The following MCTP1 variants were observed in gnomAD, a reference collection of about 807,000 sequenced individuals.
MCTP1 encodes the protein multiple C2 and transmembrane domain containing 1, also known as multiple C2 and transmembrane domain-containing protein 1.
MCTP1 carries 69 observed loss-of-function variants against 120.6 expected under a neutral mutation model. That is an observed-to-expected ratio of 0.57 (90% CI 0.47 to 0.70). The LOEUF is 0.70. MCTP1 is among the 30% of genes least tolerant of loss of function. The pLI, the probability that MCTP1 is intolerant of heterozygous loss-of-function variation, is 0.00. For synonymous variants in MCTP1, 529 were observed against 493.1 expected, an observed-to-expected ratio of 1.07 and a Z score of -0.96; for missense variants, 1,203 against 1,248.8, an observed-to-expected ratio of 0.96 and a Z score of 0.55.
intron 1 of MCTP1, among the ~76,000 whole-genome samples, chr5:95,157,408 A>G (rs1023154397): frequency 1.4e-4 from 21 of 152,180 alleles, no homozygotes; most frequent in African/African-American, 4.8e-4. Context: ...ATTCACTTGC[A>G]CTGACCCTAG....
chr5:94,973,053 G>T (rs1391539465), intron 2 of MCTP1, among the ~76,000 whole-genome samples: 2 of 152,146 alleles, frequency 1.3e-5, no homozygotes, highest in African/African-American at 4.8e-5. Flanking sequence ...TGTGAGTTGG[G>T]TTAAACTAGC....
chr5:94,922,214 A>C (rs1456744599), intron 7 of MCTP1, among the ~76,000 whole-genome samples: 1 of 152,258 alleles, frequency 6.6e-6, no homozygotes, highest in African/African-American at 2.4e-5. Flanking sequence ...CTAGGATCAA[A>C]GAGTTCAAGA....
chr5:94,952,776 A>T (rs1463638852), intron 3 of MCTP1, among the ~76,000 whole-genome samples: 1 of 151,428 alleles, frequency 6.6e-6, no homozygotes, highest in Non-Finnish European at 1.5e-5. Flanking sequence ...AGAGATAGGA[A>T]TTTTTCTCCC....
intron 1 of MCTP1, among the ~76,000 whole-genome samples, chr5:95,173,442 A>G (rs1249405455): frequency 1.3e-5 from 2 of 152,206 alleles, no homozygotes; most frequent in African/African-American, 4.8e-5. Flanking sequence ...GCATCCTAGG[A>G]CTACAAGGAG....
intron 17 of MCTP1, among the ~76,000 whole-genome samples, chr5:94,819,660 T>A (rs1785225641): frequency 6.6e-6 from 1 of 152,198 alleles, no homozygotes; most frequent in Admixed American, 6.5e-5. Flanking sequence ...TTATTTATTC[T>A]CCAAAATTAT....
chr5:95,185,887 G>T (rs1401713462), intron 1 of MCTP1, among the ~76,000 whole-genome samples: 2 of 152,136 alleles, frequency 1.3e-5, no homozygotes, highest in Admixed American at 1.3e-4. Flanking sequence ...CTACTCAGGA[G>T]GCTGAGGCAA....
chr5:94,992,001 T>C (rs1581731777), intron 2 of MCTP1, among the ~76,000 whole-genome samples: 1 of 152,226 alleles, frequency 6.6e-6, no homozygotes, highest in African/African-American at 2.4e-5. Context: ...ATTTTTCCCA[T>C]GTGAGGCAGA....
At chr5:94,997,687 T>C (rs1474441341) in intron 2 of MCTP1, among the ~76,000 whole-genome samples, 3 of 152,184 alleles carry the variant, frequency 2.0e-5, no homozygotes, top group Non-Finnish European at 4.4e-5. Flanking sequence ...TTATCATCAA[T>C]GGACCTACGC....
chr5:94,899,116 G>A (rs937573851), intron 10 of MCTP1, among the ~76,000 whole-genome samples: 1 of 152,192 alleles, frequency 6.6e-6, no homozygotes, highest in Non-Finnish European at 1.5e-5. Context: ...AGAGCAGTAG[G>A]GTGTGCCACT....
intron 19 of MCTP1, among the ~76,000 whole-genome samples, chr5:94,766,052 C>G (rs1772620267): frequency 6.6e-6 from 1 of 152,060 alleles, no homozygotes. Flanking sequence ...CAAGACCAGC[C>G]CAGCCAACAT....
At chr5:95,042,061 T>C (rs927406026) in intron 1 of MCTP1, among the ~76,000 whole-genome samples, 2 of 152,190 alleles carry the variant, frequency 1.3e-5, no homozygotes, top group African/African-American at 4.8e-5. Context: ...TTTCTCAAAC[T>C]TACTGCTTCA....
At chr5:94,827,715 G>T (rs1345692842) in intron 17 of MCTP1, among the ~76,000 whole-genome samples, 5 of 150,470 alleles carry the variant, frequency 3.3e-5, no homozygotes, top group African/African-American at 1.2e-4. Flanking sequence ...TCATTAAGTT[G>T]ATCTTCAATC....
chr5:94,961,090 T>C (rs899598635), intron 2 of MCTP1, among the ~76,000 whole-genome samples: 5 of 151,826 alleles, frequency 3.3e-5, no homozygotes, highest in Non-Finnish European at 7.4e-5. Context: ...TACTATGCAG[T>C]CATAAAAAAG....
At chr5:94,876,063 C>T (rs1035052312) in intron 12 of MCTP1, among the ~76,000 whole-genome samples, 8 of 152,132 alleles carry the variant, frequency 5.3e-5, no homozygotes, top group Admixed American at 5.2e-4. Context: ...ACATCAAATT[C>T]TGCAAACTTA....
At chr5:94,918,747 T>C (rs1416278312) in intron 7 of MCTP1, among the ~76,000 whole-genome samples, 1 of 152,166 alleles carries the variant, frequency 6.6e-6, no homozygotes, top group East Asian at 1.9e-4. Flanking sequence ...GAAGACTGGA[T>C]TAGGGCAGTC....
intron 1 of MCTP1, among the ~76,000 whole-genome samples, chr5:95,212,383 C>G (rs1273132874): frequency 6.6e-6 from 1 of 151,960 alleles, no homozygotes; most frequent in African/African-American, 2.4e-5. Context: ...AGCTTACCAA[C>G]CAAAAAGAGT....
At chr5:95,145,376 G>C (rs1760296877) in intron 1 of MCTP1, among the ~76,000 whole-genome samples, 1 of 152,106 alleles carries the variant, frequency 6.6e-6, no homozygotes, top group Admixed American at 6.5e-5. Context: ...CTATTTGGAT[G>C]TCTTTTATTT....
intron 1 of MCTP1, among the ~76,000 whole-genome samples, chr5:95,019,430 G>A (rs1837766832): frequency 6.6e-6 from 1 of 151,570 alleles, no homozygotes; most frequent in African/African-American, 2.4e-5. Flanking sequence ...TTCCTTCCAC[G>A]CCCCCACCCC....
At chr5:94,839,824 C>T (rs1464864524) in intron 17 of MCTP1, among the ~76,000 whole-genome samples, 2 of 152,158 alleles carry the variant, frequency 1.3e-5, no homozygotes, top group Non-Finnish European at 2.9e-5. Flanking sequence ...AAAATAACAG[C>T]ACCTTCTTTA....
Sources: gnomAD v4.1 joint callset for allele counts (sites outside exome capture counted in the v4.1 genomes callset) on GRCh38, gnomAD v4.1.1 for gene constraint, MANE v1.5 for transcripts, NCBI Gene and HGNC (gene_info 2026-07-23, HGNC 2026-07-21) for gene names.